Variants in KIAA1217 observed in about 807,000 individuals in gnomAD.
The protein encoded by KIAA1217 is sickle tail protein homolog.
A neutral mutation model predicts 163.9 loss-of-function variants in KIAA1217; 88 were observed. The ratio of observed to expected loss-of-function variants is 0.54; its 90% CI spans 0.45 to 0.64. The LOEUF (loss-of-function observed/expected upper bound fraction) is 0.64, where lower values mean the gene tolerates loss of function less well. Ranked by LOEUF, KIAA1217 falls within the 30% of genes least tolerant of loss-of-function variation. The pLI, the probability that KIAA1217 is intolerant of heterozygous loss-of-function variation, is 0.00. For missense variants in KIAA1217, 2,372 were observed against 2,475.0 expected (o/e 0.96, Z 0.88); for synonymous variants, 903 against 923.1 (o/e 0.98, Z 0.39).
At chr10:23,750,042 A>G (rs1451813021) in intron 1 of KIAA1217, among the ~76,000 whole-genome samples, 1 of 149,306 alleles carries the variant, frequency 6.7e-6, no homozygotes, top group African/African-American at 2.5e-5. Flanking sequence ...TTCCTCACGT[A>G]TCTTGATTCT....
At chr10:23,909,881 A>C (rs1271745114) in intron 1 of KIAA1217, among the ~76,000 whole-genome samples, 1 of 152,204 alleles carries the variant, frequency 6.6e-6, no homozygotes, top group Non-Finnish European at 1.5e-5. Context: ...CTTATCTTCC[A>C]GAATGGTTGA....
At chr10:23,928,546 C>T (rs11013793) in intron 1 of KIAA1217, among the ~76,000 whole-genome samples, 30,391 of 152,006 alleles carry the variant, frequency 0.2, 3,307 homozygotes, top group Middle Eastern at 0.26. Context: ...TACTCTAGGG[C>T]CTGGGGATGG....
intron 3 of KIAA1217, among the ~76,000 whole-genome samples, chr10:24,390,519 A>C: frequency 6.8e-6 from 1 of 148,126 alleles, no homozygotes; most frequent in Non-Finnish European, 1.5e-5. Context: ...GAAGGAAGGA[A>C]GGAAGGAAGG....
Position 24,501,471 on chromosome 10 carries a change from C to G in KIAA1217, c.1927C>G (p.His643Asp). Residue 643 changes from histidine (H) to aspartate (D), a missense_variant, in exon 9 of 21, where the codon CAC becomes GAC. By Grantham distance (81) the His-to-Asp change is moderately conservative. Coordinates refer to ENST00000376454, the MANE Select transcript of KIAA1217 (RefSeq NM_019590.5). ...TCCACCTGTGGGCACCTCAGCCATCCACATGAGCCTGCTTGAGATGAGGCG... is the reference window on the plus strand; with the variant it reads ...TCCACCTGTGGGCACCTCAGCCATCGACATGAGCCTGCTTGAGATGAGGCG... ...QPPPVGTSAI[H>D]MSLLEMRRSV... 1 of 1,614,018 alleles carries G rather than the reference C, an allele frequency of 6.2e-7. No individual in the cohort carries two copies. Among genetic ancestry groups the G allele is most frequent in the Non-Finnish European group, 8.5e-7 (1 of 1,179,960 alleles).
At chr10:24,251,540 A>T (rs1169138328) in intron 2 of KIAA1217, among the ~76,000 whole-genome samples, 2 of 152,124 alleles carry the variant, frequency 1.3e-5, no homozygotes, top group Admixed American at 6.5e-5. Flanking sequence ...CTGATTTTAA[A>T]AAATCAGATG....
At chr10:24,494,876 C>T (rs536205624) in intron 7 of KIAA1217, 52 of 573,362 alleles carry the variant, frequency 9.1e-5, no homozygotes, top group East Asian at 8.2e-4. Context: ...GACCACTCAC[C>T]GTGCAGTGCC....
At chr10:23,860,400 T>C (rs910135209) in intron 1 of KIAA1217, among the ~76,000 whole-genome samples, 1 of 152,176 alleles carries the variant, frequency 6.6e-6, no homozygotes, top group Non-Finnish European at 1.5e-5. Context: ...TGTAGTATGA[T>C]TTCCATTATG....
chr10:24,412,148 A>T (rs2131349267), intron 3 of KIAA1217, among the ~76,000 whole-genome samples: 1 of 150,384 alleles, frequency 6.6e-6, no homozygotes, highest in African/African-American at 2.5e-5. Flanking sequence ...TTCCATTAAG[A>T]TTGTGAGAAT....
intron 1 of KIAA1217, among the ~76,000 whole-genome samples, chr10:23,697,814 C>A (rs1023269843): frequency 6.6e-6 from 1 of 151,578 alleles, no homozygotes; most frequent in Non-Finnish European, 1.5e-5. Flanking sequence ...GAGGTCAAGG[C>A]TGCAGTGAGC....
chr10:24,363,553 T>TGG (rs199886695), intron 2 of KIAA1217, among the ~76,000 whole-genome samples: 1 of 86,040 alleles, frequency 1.2e-5, no homozygotes, highest in Non-Finnish European at 2.8e-5. Flanking sequence ...TAGTTTTTTG[T>TGG]GGGTTTTGTT....
chr10:24,235,613 G>A (rs1164194647), intron 2 of KIAA1217, among the ~76,000 whole-genome samples: 6 of 152,184 alleles, frequency 3.9e-5, no homozygotes, highest in Non-Finnish European at 8.8e-5. Flanking sequence ...AGATCTGTTT[G>A]CCCTGGGGTT....
At chr10:24,250,429 A>G (rs1297834604) in intron 2 of KIAA1217, among the ~76,000 whole-genome samples, 4 of 107,180 alleles carry the variant, frequency 3.7e-5, no homozygotes, top group Non-Finnish European at 7.5e-5. Flanking sequence ...TTGAAGGGAC[A>G]CATTTGGCAC....
chr10:24,315,439 G>A (rs1355068762), intron 2 of KIAA1217, among the ~76,000 whole-genome samples: 1 of 152,212 alleles, frequency 6.6e-6, no homozygotes, highest in African/African-American at 2.4e-5. Context: ...GTAGGACTTT[G>A]ACTAATTGCA....
intron 1 of KIAA1217, among the ~76,000 whole-genome samples, chr10:23,723,800 A>G (rs1342168638): frequency 2.0e-5 from 3 of 152,220 alleles, no homozygotes; most frequent in Admixed American, 1.3e-4. Flanking sequence ...TAAAATTCAT[A>G]TGTGACAATA....
At chr10:23,960,289 T>C (rs1324577913) in intron 1 of KIAA1217, among the ~76,000 whole-genome samples, 1 of 150,980 alleles carries the variant, frequency 6.6e-6, no homozygotes, top group African/African-American at 2.4e-5. Flanking sequence ...TTCTGCTGTT[T>C]TCTCAAATGC....
At chr10:23,881,579 T>A (rs1298424276) in intron 1 of KIAA1217, among the ~76,000 whole-genome samples, 4 of 151,998 alleles carry the variant, frequency 2.6e-5, no homozygotes, top group Non-Finnish European at 5.9e-5. Flanking sequence ...AAAATCTAAT[T>A]GATAAAATTG....
At chr10:24,471,981 A>G (rs1263215331) in intron 5 of KIAA1217, among the ~76,000 whole-genome samples, 5 of 152,126 alleles carry the variant, frequency 3.3e-5, no homozygotes, top group Non-Finnish European at 2.9e-5. Flanking sequence ...ACACTTACAG[A>G]TGACTTGAAT....
chr10:24,405,169 G>A (rs771600210), intron 3 of KIAA1217, among the ~76,000 whole-genome samples: 39 of 152,114 alleles, frequency 2.6e-4, no homozygotes, highest in Non-Finnish European at 4.6e-4. Flanking sequence ...ACCTGAATAA[G>A]CTCTGTGGGT....
At chr10:24,254,854 T>G (rs939330141) in intron 2 of KIAA1217, among the ~76,000 whole-genome samples, 4 of 151,842 alleles carry the variant, frequency 2.6e-5, no homozygotes, top group African/African-American at 9.7e-5. Context: ...TGTTCAACTC[T>G]AATTTTTTTT....
Sources: gnomAD v4.1 joint callset for allele counts (sites outside exome capture counted in the v4.1 genomes callset) on GRCh38, gnomAD v4.1.1 for gene constraint, MANE v1.5 for transcripts, NCBI Gene and HGNC (gene_info 2026-07-23, HGNC 2026-07-21) for gene names.